DCP2: variants seen among roughly 807,000 people sequenced by gnomAD.
DCP2 encodes decapping mRNA 2.
In DCP2, 30 loss-of-function variants were observed where a neutral mutation model predicts 56.1. The ratio of observed to expected loss-of-function variants is 0.53; its 90% CI spans 0.40 to 0.73. The LOEUF (loss-of-function observed/expected upper bound fraction) is 0.73, where lower values mean the gene tolerates loss of function less well. DCP2 is among the 30% of genes least tolerant of loss of function. The probability of loss-of-function intolerance (pLI) is 0.00; values close to 1 mark genes in which losing one functional copy is unlikely to be tolerated. For synonymous variants in DCP2, 197 were observed against 163.3 expected (o/e 1.21, Z -1.57); for missense variants, 533 against 502.7 (o/e 1.06, Z -0.58).
chr5:112,983,865 C>T (rs1748124385), intron 1 of DCP2: 1 of 152,110 alleles, frequency 6.6e-6, no homozygotes, highest in African/African-American at 2.4e-5. Context: ...AAATCATTTC[C>T]AACTTAGAAT....
At chr5:112,990,310 C>G (rs1018091312) in intron 2 of DCP2, among the ~76,000 whole-genome samples, 7 of 152,124 alleles carry the variant, frequency 4.6e-5, no homozygotes, top group African/African-American at 1.7e-4. Context: ...CTTGTCTATG[C>G]CTCTGTTTTC....
chr5:112,997,610 T>TC (rs1197723812), intron 4 of DCP2, among the ~76,000 whole-genome samples: 23 of 151,470 alleles, frequency 1.5e-4, no homozygotes, highest in Non-Finnish European at 3.4e-4. Flanking sequence ...TCTTTTTCTT[T>TC]TTCTTTTTTT....
rs1749925942 is a variant in DCP2 at position 113,017,231 on chromosome 5, T to G, written c.*3747T>G. ...AACTTTTCTTCCTAGTAATTTTGAC[T>G]TGGATTATTTTCTAGCCTGGGGGAT... On this transcript the variant is annotated 3_prime_UTR_variant, in exon 11 of 11. Coordinates refer to ENST00000389063, the MANE Select transcript of DCP2 (RefSeq NM_152624.6). 6.6e-6 allele frequency: 1 copy of G among 152,232 alleles called. No individual in the cohort carries two copies. The highest frequency in any genetic ancestry group is 1.5e-5 in the Non-Finnish European group (1 of 68,040). The allele number at this position is 152,232 out of a possible 1,614,324, so 9.4% of individuals were successfully genotyped here.
rs934248885 is a variant in DCP2, at chr5:113,011,610, A to G, written c.1099+803A>G. Among the ~76,000 whole-genome samples the G allele has an allele frequency of 4.6e-5, 7 of 152,368 alleles. No individual in the cohort carries two copies. In the East Asian group the frequency reaches 1.3e-3, roughly 29 times the overall value. ...TTCTTTTTCTGTAATACTGTCTGTGATTTAAGCAAGATAATGCTATTTTGA... is the reference window on the plus strand; with the variant it reads ...TTCTTTTTCTGTAATACTGTCTGTGGTTTAAGCAAGATAATGCTATTTTGA... On this transcript the variant is annotated intron_variant, in intron 10 of 10. Coordinates refer to ENST00000389063, the MANE Select transcript of DCP2 (RefSeq NM_152624.6).
intron 10 of DCP2, 104 bp downstream of exon 10, chr5:113,010,911 G>A: frequency 8.2e-7 from 1 of 1,216,248 alleles, no homozygotes; most frequent in Non-Finnish European, 1.1e-6. Context: ...TAGTTAAGCA[G>A]GAAGAGTTGC....
chr5:113,005,690 A>G (rs1340399101), intron 8 of DCP2, among the ~76,000 whole-genome samples: 1 of 152,234 alleles, frequency 6.6e-6, no homozygotes, highest in Non-Finnish European at 1.5e-5. Context: ...ACTTAAACAG[A>G]TAACTTGTGT....
intron 10 of DCP2, among the ~76,000 whole-genome samples, chr5:113,012,283 C>T (rs1264855809): frequency 1.3e-5 from 2 of 152,092 alleles, no homozygotes; most frequent in African/African-American, 2.4e-5. Context: ...TCACTTGCGC[C>T]CAGGAGGTTG....
chr5:113,001,191 T>G lies in DCP2; in HGVS notation c.540T>G (p.Ile180Met). Residue 180 changes from isoleucine (I) to methionine (M), a missense_variant, in exon 5 of 11, where the codon ATT becomes ATG. By Grantham distance (10) the Ile-to-Met change is conservative. This residue lies in a region of DCP2 where 392 missense variants were observed against 346.6 expected (regional missense o/e 1.13). Coordinates refer to ENST00000389063, the MANE Select transcript of DCP2 (RefSeq NM_152624.6). ...CTCGTTTGTACATCATTCCAGGAAT[T>G]CCAAAAGACACAAAATTTAACCCAA... ...QLARLYIIPG[I>M]PKDTKFNPKT... is the part of the protein sequence containing the mutation. 6.2e-7 allele frequency: 1 copy of G among 1,613,512 alleles called. No individual in the cohort carries two copies. Among genetic ancestry groups the G allele is most frequent in the Non-Finnish European group, 8.5e-7 (1 of 1,179,874 alleles).
At chr5:113,011,673 A>T (rs929788032) in intron 10 of DCP2, among the ~76,000 whole-genome samples, 8 of 152,220 alleles carry the variant, frequency 5.3e-5, no homozygotes, top group Non-Finnish European at 1.0e-4. Context: ...AGTTACTGTT[A>T]ACTGTGAAGA....
chr5:112,993,881 A>C (rs4705743), intron 4 of DCP2, among the ~76,000 whole-genome samples: 115,783 of 151,878 alleles, frequency 0.76, 44,256 homozygotes, highest in African/African-American at 0.81. Context: ...TATAAATATG[A>C]ACACATACAC....
At chr5:113,004,758 A>C (rs536487136) in intron 8 of DCP2, among the ~76,000 whole-genome samples, 57 of 151,970 alleles carry the variant, frequency 3.8e-4, no homozygotes, top group African/African-American at 1.4e-3. Flanking sequence ...ATCGTTGCAC[A>C]TCTTTACTAA....
At chr5:112,980,048 T>C (rs1747924716) in intron 1 of DCP2, among the ~76,000 whole-genome samples, 2 of 152,216 alleles carry the variant, frequency 1.3e-5, no homozygotes, top group Admixed American at 6.5e-5. Context: ...AAAAATGCTT[T>C]ATAATTTAAA....
At chr5:113,012,638 C>G (rs1749724365) in intron 10 of DCP2, among the ~76,000 whole-genome samples, 1 of 151,742 alleles carries the variant, frequency 6.6e-6, no homozygotes. Flanking sequence ...TCTTTTTTTT[C>G]TTATTTTTTT....
At chr5:113,007,594 G>A (rs1580831477) in intron 8 of DCP2, among the ~76,000 whole-genome samples, 1 of 152,018 alleles carries the variant, frequency 6.6e-6, no homozygotes, top group East Asian at 1.9e-4. Flanking sequence ...TAGAGACGGG[G>A]TTTTGCTGTG....
intron 1 of DCP2, 128 bp from the exon 2 acceptor site, chr5:112,985,707 T>C: frequency 5.1e-6 from 5 of 973,058 alleles, no homozygotes; most frequent in Non-Finnish European, 7.4e-6. Flanking sequence ...TATTAATTGC[T>C]TCCTTGAACA....
chr5:112,980,153 T>C (rs1376672417), intron 1 of DCP2, among the ~76,000 whole-genome samples: 1 of 152,222 alleles, frequency 6.6e-6, no homozygotes, highest in Non-Finnish European at 1.5e-5. Context: ...ACAGAGTTTT[T>C]CAGTACTGTT....
At chr5:113,008,931 C>CT in intron 9 of DCP2, among the ~76,000 whole-genome samples, 1 of 152,132 alleles carries the variant, frequency 6.6e-6, no homozygotes, top group African/African-American at 2.4e-5. Flanking sequence ...GCAACCTCCA[C>CT]TTCCCGGGTT....
chr5:112,992,040 T>G lies in DCP2; in HGVS notation c.206-81T>G. ...AATAATTTCACATGAAATACACTAT[T>G]GATTTAAATGGGTCTCTTTCTGTAT... is the stretch of plus-strand genomic sequence containing the variant. On this transcript the variant is annotated intron_variant, in intron 2 of 10. Transcript: ENST00000389063. 4.5e-6 allele frequency: 7 copies of G among 1,545,920 alleles called. No individual in the cohort carries two copies. In the South Asian group the frequency reaches 8.4e-5, roughly 19 times the overall value.
intron 7 of DCP2, among the ~76,000 whole-genome samples, chr5:113,003,199 G>T (rs1749262052): frequency 1.3e-5 from 2 of 152,058 alleles, no homozygotes; most frequent in Admixed American, 1.3e-4. Context: ...TACCCTCCTT[G>T]GCCTCCCAAA....
Sources: gnomAD v4.1 joint callset for allele counts (sites outside exome capture counted in the v4.1 genomes callset) on GRCh38, gnomAD v4.1.1 for gene constraint, gnomAD v4.1.1 regional missense constraint, MANE v1.5 for transcripts, NCBI Gene and HGNC (gene_info 2026-07-23, HGNC 2026-07-21) for gene names.